FBXO36: variants seen among roughly 807,000 people sequenced by gnomAD.
FBXO36 encodes F-box only protein 36.
FBXO36 carries 18 observed loss-of-function variants against 17.0 expected under a neutral mutation model. The observed-to-expected ratio is 1.06, with a 90% CI of 0.73 to 1.57. The LOEUF (loss-of-function observed/expected upper bound fraction) is 1.57, where lower values mean the gene tolerates loss of function less well. Among genes scored for constraint, FBXO36 ranks in the 40% most tolerant of loss-of-function variants. The pLI, the probability that FBXO36 is intolerant of heterozygous loss-of-function variation, is 0.00. For missense variants in FBXO36, 229 were observed against 221.9 expected, an observed-to-expected ratio of 1.03 and a Z score of -0.20; for synonymous variants, 83 against 85.3, an observed-to-expected ratio of 0.97 and a Z score of 0.15.
chr2:229,989,542 C>T (rs1298483075), intron 2 of FBXO36, among the ~76,000 whole-genome samples: 1 of 152,110 alleles, frequency 6.6e-6, no homozygotes, highest in Non-Finnish European at 1.5e-5. Context: ...CAGGCGTGAG[C>T]CACCACGCCC....
chr2:229,992,451 C>A (rs1168170592), intron 2 of FBXO36, among the ~76,000 whole-genome samples: 1 of 152,162 alleles, frequency 6.6e-6, no homozygotes, highest in African/African-American at 2.4e-5. Context: ...AGCGACCACA[C>A]CTGGCCCTCA....
chr2:229,951,240 CT>C (rs955720672), intron 1 of FBXO36, among the ~76,000 whole-genome samples: 1 of 150,418 alleles, frequency 6.6e-6, no homozygotes, highest in African/African-American at 2.4e-5. Flanking sequence ...TCCCAGGCAA[CT>C]TTTTTTTCTT....
At chr2:229,933,154 A>G (rs2076947869) in intron 1 of FBXO36, among the ~76,000 whole-genome samples, 1 of 152,192 alleles carries the variant, frequency 6.6e-6, no homozygotes. Flanking sequence ...TCCATTTGGG[A>G]GGACGAGGCG....
intron 2 of FBXO36, among the ~76,000 whole-genome samples, chr2:229,980,692 G>T (rs998580268): frequency 6.6e-6 from 1 of 152,168 alleles, no homozygotes; most frequent in African/African-American, 2.4e-5. Flanking sequence ...TACTGGAAGA[G>T]AAAAGGCAAT....
chr2:229,963,088 T>TG (rs1022009736), intron 1 of FBXO36, among the ~76,000 whole-genome samples: 1 of 149,398 alleles, frequency 6.7e-6, no homozygotes, highest in Non-Finnish European at 1.5e-5. Context: ...TTTTTTGAGA[T>TG]GGAGTCTCAC....
intron 2 of FBXO36, among the ~76,000 whole-genome samples, chr2:229,988,785 C>T (rs2077282285): frequency 6.6e-6 from 1 of 151,406 alleles, no homozygotes; most frequent in African/African-American, 2.4e-5. Flanking sequence ...ACCTCAGCCT[C>T]CCAAAGTGCT....
intron 2 of FBXO36, among the ~76,000 whole-genome samples, chr2:229,996,252 T>C (rs1359801645): frequency 6.6e-6 from 1 of 151,416 alleles, no homozygotes; most frequent in Admixed American, 6.6e-5. Flanking sequence ...CACTCCAGCC[T>C]GGGCGACCCC....
At chr2:229,978,770 A>C (rs2077222967) in intron 2 of FBXO36, among the ~76,000 whole-genome samples, 1 of 152,170 alleles carries the variant, frequency 6.6e-6, no homozygotes, top group African/African-American at 2.4e-5. Flanking sequence ...TCTTACAGCT[A>C]AATACTGACA....
At chr2:229,978,963 G>T (rs2077224084) in intron 2 of FBXO36, among the ~76,000 whole-genome samples, 1 of 152,024 alleles carries the variant, frequency 6.6e-6, no homozygotes, top group African/African-American at 2.4e-5. Context: ...GATCACCTGA[G>T]GTCAGGAGTT....
At chr2:229,971,912 A>G (rs2077182127) in intron 1 of FBXO36, among the ~76,000 whole-genome samples, 1 of 151,448 alleles carries the variant, frequency 6.6e-6, no homozygotes, top group Non-Finnish European at 1.5e-5. Flanking sequence ...TCCTGGGCCC[A>G]AGTGATCCTC....
At chr2:229,932,821 G>A (rs1423100614) in intron 1 of FBXO36, 6 of 240,948 alleles carry the variant, frequency 2.5e-5, no homozygotes, top group African/African-American at 4.7e-5. Context: ...TGTAATCCCA[G>A]CACTTTGGGA....
At position 229,999,315 on chromosome 2, in the gene FBXO36, C is replaced by T. The variant is rs144724797; in HGVS notation, c.378+2392C>T. Among the ~76,000 whole-genome samples the T allele has an allele frequency of 5.6e-3, 851 of 150,632 alleles. 10 individuals are homozygous for T. Among genetic ancestry groups the T allele is most frequent in the African/African-American group, 0.02 (810 of 41,090 alleles). On this transcript the variant is annotated intron_variant, in intron 3 of 3. Coordinates refer to ENST00000283946, the MANE Select transcript of FBXO36 (RefSeq NM_174899.5). The stretch of plus-strand genomic sequence containing the variant: ...CTAATTTTTATATTTTTAGTACAGA[C>T]GGGGTTTCCCCGTGTTGGCCAGGCT...
At chr2:230,003,843 GCTT>G (rs1252703877) in intron 3 of FBXO36, among the ~76,000 whole-genome samples, 2 of 152,170 alleles carry the variant, frequency 1.3e-5, no homozygotes, top group Admixed American at 6.5e-5. Context: ...CAAGTCTTCT[GCTT>G]CTTGACTCAT....
chr2:229,959,366 T>C (rs2077109074), intron 1 of FBXO36, among the ~76,000 whole-genome samples: 1 of 152,156 alleles, frequency 6.6e-6, no homozygotes, highest in South Asian at 2.1e-4. Context: ...ATTTATACTT[T>C]ACTTACGTAT....
At chr2:229,922,701 C>T in intron 1 of FBXO36, 92 bp downstream of exon 1, 1 of 1,335,622 alleles carries the variant, frequency 7.5e-7, no homozygotes, top group African/African-American at 1.5e-5. Flanking sequence ...CAAGAGCAAC[C>T]GTAGCCCGCC....
chr2:229,965,913 C>T (rs2106186222), intron 1 of FBXO36, among the ~76,000 whole-genome samples: 1 of 152,266 alleles, frequency 6.6e-6, no homozygotes, highest in South Asian at 2.1e-4. Flanking sequence ...ATGGCTGGGT[C>T]AAATGGTATT....
At chr2:229,977,657 C>G (rs1021071687) in intron 2 of FBXO36, among the ~76,000 whole-genome samples, 3 of 151,542 alleles carry the variant, frequency 2.0e-5, no homozygotes, top group African/African-American at 2.4e-5. Context: ...ACCATGTTGG[C>G]CAGGCTGGTC....
At chr2:229,972,557 G>C (rs1308078999) in intron 1 of FBXO36, among the ~76,000 whole-genome samples, 1 of 151,982 alleles carries the variant, frequency 6.6e-6, no homozygotes, top group Non-Finnish European at 1.5e-5. Flanking sequence ...GGAGAGAGGA[G>C]GAGGGAAGAC....
chr2:229,984,271 C>G (rs941625827), intron 2 of FBXO36, among the ~76,000 whole-genome samples: 1 of 151,872 alleles, frequency 6.6e-6, no homozygotes, highest in Non-Finnish European at 1.5e-5. Flanking sequence ...TCGCTTGAAC[C>G]CTGGAGGTGG....
Sources: allele counts gnomAD v4.1 joint callset (sites outside exome capture counted in the v4.1 genomes callset), GRCh38; gene constraint gnomAD v4.1.1; transcripts MANE v1.5; gene names NCBI Gene and HGNC (gene_info 2026-07-23, HGNC 2026-07-21).